The following DNAH17 variants were observed in gnomAD, a reference collection of about 807,000 sequenced individuals.
DNAH17 encodes dynein axonemal heavy chain 17.
DNAH17 carries 376 observed loss-of-function variants against 485.6 expected under a neutral mutation model. The ratio of observed to expected loss-of-function variants is 0.77; its 90% confidence interval spans 0.71 to 0.84. The LOEUF (loss-of-function observed/expected upper bound fraction) is 0.84, where lower values mean the gene tolerates loss of function less well. Among genes scored for constraint, DNAH17 ranks in the 40% least tolerant of loss-of-function variants. DNAH17 has a pLI of 0.00. For missense variants in DNAH17, 6,370 were observed against 5,839.3 expected, an observed-to-expected ratio of 1.09 and a Z score of -2.96; for synonymous variants, 3,031 against 2,405.9, an observed-to-expected ratio of 1.26 and a Z score of -7.60.
intron 69 of DNAH17, among the ~76,000 whole-genome samples, chr17:78,447,312 G>A (rs995030220): frequency 1.3e-5 from 2 of 152,204 alleles, no homozygotes; most frequent in Non-Finnish European, 2.9e-5. Context: ...CCTGTTTACA[G>A]GTCTTGTGGG....
intron 31 of DNAH17, among the ~76,000 whole-genome samples, chr17:78,504,293 G>C (rs570096268): frequency 6.6e-6 from 1 of 151,996 alleles, no homozygotes; most frequent in Non-Finnish European, 1.5e-5. Flanking sequence ...TTGAACTCCC[G>C]ACCTCAGATG....
Position 78,539,880 on chromosome 17 carries a change from C to T in DNAH17, c.2533G>A (p.Glu845Lys). The T allele has an allele frequency of 6.4e-7, 1 of 1,571,664 alleles. No individual in the cohort carries two copies. Among genetic ancestry groups the T allele is most frequent in the Non-Finnish European group, 8.6e-7 (1 of 1,162,308 alleles). The part of the protein sequence containing the change: ...AGVKIQAMVA[E>K]NAELFRADTL... ...TCTGCCCTGAATAGTTCTGCGTTTT[C>T]CTGCAAACAGAAGCGCACAGTTGGG... is the stretch of plus-strand genomic sequence containing the variant. The change falls in exon 18 of 81, where the codon GAA becomes AAA. Residue 845 changes from glutamate to lysine, a missense_variant and splice_region_variant. By Grantham distance (56) the Glu-to-Lys change is moderately conservative (BLOSUM62 1). Transcript: ENST00000389840.
chr17:78,555,215 T>C (rs531516397), intron 14 of DNAH17, among the ~76,000 whole-genome samples: 2 of 152,276 alleles, frequency 1.3e-5, no homozygotes, highest in South Asian at 2.1e-4. Context: ...AGCAAGACGA[T>C]GTGTAGCAGG....
chr17:78,425,230 C>T (rs933695521), intron 80 of DNAH17, 116 bp downstream of exon 80: 1 of 1,043,820 alleles, frequency 9.6e-7, no homozygotes, highest in Non-Finnish European at 1.4e-6. Flanking sequence ...CACCTCTCTC[C>T]TGCCTGTCCC....
intron 18 of DNAH17, among the ~76,000 whole-genome samples, chr17:78,539,272 A>G (rs2091459525): frequency 1.3e-5 from 2 of 152,280 alleles, no homozygotes; most frequent in African/African-American, 4.8e-5. Context: ...ACAGGTAGGA[A>G]AGGGGCCATT....
chr17:78,504,776 C>T (rs1211242756), intron 31 of DNAH17, among the ~76,000 whole-genome samples: 1 of 151,470 alleles, frequency 6.6e-6, no homozygotes, highest in African/African-American at 2.4e-5. Flanking sequence ...GAGTGGTGGG[C>T]TGTGCAGCCG....
rs2091198831 is a variant in DNAH17, at chr17:78,530,386, C to T, written c.3241G>A (p.Gly1081Ser). 6.2e-7 allele frequency: 1 copy of T among 1,612,940 alleles called. No individual in the cohort carries two copies. The highest frequency in any genetic ancestry group is 1.3e-5 in the African/African-American group (1 of 74,926). The change falls in exon 21 of 81, where the codon GGC (glycine) becomes AGC (serine). Residue 1081 changes from glycine (G) to serine (S), a missense_variant. Physicochemically the swap from Gly to Ser is moderately conservative, Grantham distance 56 (BLOSUM62 0). Transcript: ENST00000389840. ...QALLSTIRRW[G>S]FMFKRHLSNH... is the part of the protein sequence containing the mutation. ...CTCAGGTGCCGCTTGAACATGAAGCCCCAGCGCCGGATTGTGCTGAGCAGG... is the reference window on the plus strand; with the variant it reads ...CTCAGGTGCCGCTTGAACATGAAGCTCCAGCGCCGGATTGTGCTGAGCAGG...
At position 78,424,054 on chromosome 17, in the gene DNAH17, T is replaced by C; in HGVS notation, c.13241A>G (p.Asp4414Gly). Reference sequence around the variant, plus strand: ...ATAGATGTTCTTGGTCTCCATGCGGTCCACAGGAATGGCCTTGATGAAGAT... The same window carrying C: ...ATAGATGTTCTTGGTCTCCATGCGGCCCACAGGAATGGCCTTGATGAAGAT... ...PVIFIKAIPV[D>G]RMETKNIYEC... Residue 4414 changes from aspartate to glycine, a missense_variant, in exon 81 of 81, where the codon GAC becomes GGC. Physicochemically the swap from Asp to Gly is moderately conservative, Grantham distance 94. Coordinates refer to ENST00000389840, the MANE Select transcript of DNAH17 (RefSeq NM_173628.4). 1.9e-6 allele frequency: 3 copies of C among 1,614,038 alleles called. No individual in the cohort carries two copies. Among genetic ancestry groups the C allele is most frequent in the Non-Finnish European group, 2.5e-6 (3 of 1,179,896 alleles).
rs2086291969 is a variant in DNAH17 at position 78,424,251 on chromosome 17, G to C, written c.13142-98C>G. ...GTCCTCACACTCCCCGCCCTCTGCA[G>C]AGCTGGGCTCTACCCCAAAAGGCTT... On this transcript the variant is annotated intron_variant, in intron 80 of 80. Coordinates refer to ENST00000389840, the MANE Select transcript of DNAH17 (RefSeq NM_173628.4). 1.4e-6 allele frequency: 2 copies of C among 1,443,008 alleles called. No individual in the cohort carries two copies. The highest frequency in any genetic ancestry group is 2.8e-5 in the African/African-American group (2 of 70,696). The allele number at this position is 1,443,008 out of a possible 1,614,324, so 89.4% of individuals were successfully genotyped here. A position where few individuals can be genotyped will look rare whatever the true frequency, so the allele number is the denominator to read the frequency against.
At chr17:78,560,688 C>T in intron 13 of DNAH17, 52 bp downstream of exon 13, 1 of 1,491,430 alleles carries the variant, frequency 6.7e-7, no homozygotes, top group Non-Finnish European at 9.0e-7. Flanking sequence ...TTGGCAGGCC[C>T]TCCCCCCGCT....
intron 25 of DNAH17, among the ~76,000 whole-genome samples, chr17:78,521,335 G>A (rs1445473814): frequency 6.6e-6 from 1 of 152,110 alleles, no homozygotes; most frequent in Non-Finnish European, 1.5e-5. Flanking sequence ...GAACCGGGGA[G>A]GTGGAGGTTG....
rs778345395 is a variant in DNAH17 at position 78,449,521 on chromosome 17, G to A, written c.11104C>T (p.Arg3702Trp). Residue 3702 changes from arginine to tryptophan, a missense_variant, in exon 69 of 81, where the codon CGG becomes TGG. Coordinates refer to ENST00000389840, the MANE Select transcript of DNAH17 (RefSeq NM_173628.4). ...ATCTCGTCCGTCAGGTTGATCACCC[G>A]CTGCTTCACCTCGTTGGCAGGGGTG... Reference protein sequence around the residue: ...RTTPANEVKQRVINLTDEITY... With the variant: ...RTTPANEVKQWVINLTDEITY... The A allele has an allele frequency of 1.3e-5, 21 of 1,597,658 alleles. No homozygotes were observed. Among genetic ancestry groups the A allele is most frequent in the South Asian group, 4.5e-5 (4 of 88,134 alleles).
chr17:78,517,098 A>G (rs1252350179), intron 25 of DNAH17, among the ~76,000 whole-genome samples: 1 of 152,224 alleles, frequency 6.6e-6, no homozygotes, highest in African/African-American at 2.4e-5. Context: ...GCTGGAGTAC[A>G]GTGACGTGAT....
At chr17:78,466,598 G>A (rs1478847352) in intron 56 of DNAH17, 57 bp downstream of exon 56, 8 of 1,511,552 alleles carry the variant, frequency 5.3e-6, no homozygotes, top group Non-Finnish European at 7.1e-6. Flanking sequence ...CCAGCCCTTG[G>A]GCCTGTCCTT....
At chr17:78,499,182 C>A (rs1393662162) in intron 36 of DNAH17, 70 bp from the exon 37 acceptor site, 3 of 1,099,094 alleles carry the variant, frequency 2.7e-6, no homozygotes, top group African/African-American at 3.2e-5. Context: ...GCAGGGGCCT[C>A]CCCCTGCCTC....
chr17:78,547,868 T>C (rs1043826004), intron 16 of DNAH17, among the ~76,000 whole-genome samples: 3 of 142,138 alleles, frequency 2.1e-5, no homozygotes, highest in Non-Finnish European at 4.6e-5. Context: ...TCGGCCTGCC[T>C]TGGCCTCCCA....
In DNAH17 at chr17:78,570,944, G is replaced by T; in HGVS notation, c.918+4C>A. ...CCAAAGCCGGCTCTCCCTTGCCTGC[G>T]CACCATCGTGAAGTCGGCTTGTTCC... On this transcript the variant is annotated splice_donor_region_variant and intron_variant, in intron 6 of 80. Transcript: ENST00000389840. The T allele has an allele frequency of 6.3e-7, 1 of 1,576,890 alleles. No individual in the cohort carries two copies. Among genetic ancestry groups the T allele is most frequent in the Non-Finnish European group, 8.6e-7 (1 of 1,161,050 alleles).
chr17:78,483,458 C>T lies in DNAH17; in HGVS notation c.7649+1410G>A, dbSNP rs747786466. 6.6e-4 allele frequency among the ~76,000 whole-genome samples: 100 copies of T among 151,934 alleles called. 2 individuals carry two copies. The highest frequency in any genetic ancestry group is 5.9e-3 in the Admixed American group (90 of 15,248). ...CTGCCTGGCCAATATAGTTAAGCCC[C>T]GTTTCTACTAAAAATACAAAAATTA... On this transcript the variant is annotated intron_variant, in intron 48 of 80. Coordinates refer to ENST00000389840, the MANE Select transcript of DNAH17 (RefSeq NM_173628.4).
rs1303461794 is a variant in DNAH17 at position 78,490,720 on chromosome 17, G to A, written c.6797C>T (p.Pro2266Leu). The change falls in exon 44 of 81, where the codon CCA becomes CTA. Residue 2266 changes from proline to leucine, a missense_variant. Pro to Leu is a moderately conservative substitution (Grantham distance 98). Coordinates refer to ENST00000389840, the MANE Select transcript of DNAH17 (RefSeq NM_173628.4). ...VSRAGILYIN[P>L]ADLGWNPVVS... ...TCACGGGTTCCATCCCAGGTCGGCT[G>A]GGTTGATGTAGAGGATGCCGGCTCT... The A allele has an allele frequency of 6.2e-7, 1 of 1,608,472 alleles. No homozygotes were observed. The highest frequency in any genetic ancestry group is 1.3e-5 in the African/African-American group (1 of 74,942).
Sources: allele counts gnomAD v4.1 joint callset (sites outside exome capture counted in the v4.1 genomes callset), GRCh38; gene constraint gnomAD v4.1.1; transcripts MANE v1.5; gene names NCBI Gene and HGNC (gene_info 2026-07-23, HGNC 2026-07-21).